Variants in EVC2 observed in about 807,000 individuals in gnomAD.
EVC2 encodes the protein limbin.
In EVC2, 148 loss-of-function variants were observed where a neutral mutation model predicts 149.3. That is an observed-to-expected ratio of 0.99 (90% CI 0.87 to 1.14). The LOEUF (loss-of-function observed/expected upper bound fraction) is 1.14, where lower values mean the gene tolerates loss of function less well. Among genes scored for constraint, EVC2 ranks in the 50% most tolerant of loss-of-function variants. EVC2 has a pLI of 0.00. For missense variants in EVC2, 1,854 were observed against 1,627.3 expected, an observed-to-expected ratio of 1.14 and a Z score of -2.40; for synonymous variants, 776 against 649.9, an observed-to-expected ratio of 1.19 and a Z score of -2.95.
chr4:5,685,476 C>T lies in EVC2; in HGVS notation c.710G>A (p.Gly237Glu). The T allele has an allele frequency of 6.2e-7, 1 of 1,614,058 alleles. No homozygotes were observed. The highest frequency in any genetic ancestry group is 8.5e-7 in the Non-Finnish European group (1 of 1,179,964). Residue 237 changes from glycine (G) to glutamate (E), a missense_variant, in exon 6 of 22, where the codon GGA becomes GAA. By Grantham distance (98) the Gly-to-Glu change is moderately conservative (BLOSUM62 -2). Coordinates refer to ENST00000344408, the MANE Select transcript of EVC2 (RefSeq NM_147127.5). ...QAFSKKFLQV[G>E]DAFAVSYAAT... ...TGCGTAGCTGACAGCAAAGGCATCT[C>T]CCACTGCGCAGAGAAAAGCACATGT...
chr4:5,691,329 C>T lies in EVC2; in HGVS notation c.455G>A (p.Gly152Glu), dbSNP rs201286761. Residue 152 changes from glycine to glutamate, a missense_variant, in exon 4 of 22, where the codon GGG (glycine) becomes GAG (glutamate). Coordinates refer to ENST00000344408, the MANE Select transcript of EVC2 (RefSeq NM_147127.5). The stretch of plus-strand genomic sequence containing the variant: ...CCCTTGAACTTCTCTTGAAATGTCC[C>T]CATACTACAATAAAATGTAAAAGTT... The part of the protein sequence containing the change: ...RESPITHRLY[G>E]DISREVQGTS... 3 of 1,611,234 alleles carry T rather than the reference C, an allele frequency of 1.9e-6. No individual in the cohort carries two copies. The South Asian group carries it at 3.3e-5, about 18-fold the overall frequency.
chr4:5,568,726 T>A, intron 19 of EVC2, 86 bp from the exon 20 acceptor site: 12 of 1,365,760 alleles, frequency 8.8e-6, no homozygotes, highest in Non-Finnish European at 1.2e-5. Flanking sequence ...CTGAGGACAT[T>A]CTGTCCTGGA....
chr4:5,580,959 T>C (rs943443042), intron 17 of EVC2, among the ~76,000 whole-genome samples: 11 of 152,182 alleles, frequency 7.2e-5, no homozygotes, highest in Non-Finnish European at 1.6e-4. Context: ...TGTTTAAAAC[T>C]GTGTAGCACC....
At chr4:5,595,657 C>T (rs1318498864) in intron 16 of EVC2, among the ~76,000 whole-genome samples, 1 of 152,118 alleles carries the variant, frequency 6.6e-6, no homozygotes, top group Non-Finnish European at 1.5e-5. Context: ...GAAACTGCAT[C>T]AACTAACGAG....
chr4:5,652,158 T>C (rs12108626), intron 9 of EVC2, among the ~76,000 whole-genome samples: 10,266 of 152,160 alleles, frequency 0.067, 1,141 homozygotes, highest in African/African-American at 0.23. Context: ...GTGAAGTTGG[T>C]GGCAGAGGCC....
intron 13 of EVC2, 124 bp from the exon 14 acceptor site, chr4:5,623,115 G>C (rs1467756270): frequency 2.0e-5 from 19 of 947,700 alleles, no homozygotes; most frequent in Non-Finnish European, 2.9e-5. Context: ...TCTCACATTT[G>C]GAAGTTATTC....
intron 8 of EVC2, among the ~76,000 whole-genome samples, chr4:5,664,139 C>A (rs959527537): frequency 6.6e-6 from 1 of 152,190 alleles, no homozygotes; most frequent in Non-Finnish European, 1.5e-5. Context: ...GAAGCTGTTA[C>A]AACAACGCAG....
Position 5,670,545 on chromosome 4 carries a change from C to T in EVC2, c.871-4896G>A, listed in dbSNP as rs1719581445. ...TTATCAACATCATCAATATCCCCAT[C>T]ACCATCATCTTCACATTGGCCATCA... is the stretch of plus-strand genomic sequence containing the variant. On this transcript the variant is annotated intron_variant, in intron 7 of 21. Transcript: ENST00000344408. The surrounding 1 kb of genome is among the most constrained non-coding windows in gnomAD (Gnocchi z 5.2). Among the ~76,000 whole-genome samples the T allele has an allele frequency of 6.6e-6, 1 of 152,022 alleles. No homozygotes were observed. Among genetic ancestry groups the T allele is most frequent in the African/African-American group, 2.4e-5 (1 of 41,372 alleles).
At chr4:5,651,043 G>C (rs10034351) in intron 9 of EVC2, among the ~76,000 whole-genome samples, 52,826 of 152,036 alleles carry the variant, frequency 0.35, 9,957 homozygotes, top group East Asian at 0.48. Flanking sequence ...TGGGTGGATG[G>C]CTGCATGGGT....
chr4:5,681,151 TG>T (rs2151723905), intron 7 of EVC2, 108 bp downstream of exon 7: 1 of 1,262,078 alleles, frequency 7.9e-7, no homozygotes, highest in Non-Finnish European at 1.2e-6. Flanking sequence ...AACGCATAAC[TG>T]GGGGACCAAG....
At chr4:5,708,616 G>C, upstream of EVC2, 1 of 823,078 alleles carries the variant, frequency 1.2e-6, no homozygotes, top group South Asian at 2.8e-5. Flanking sequence ...AGTGCGAGCC[G>C]CCGCCGAAAG....
chr4:5,534,611 A>G, the EVC2 span, among the ~76,000 whole-genome samples: 1 of 152,194 alleles, frequency 6.6e-6, no homozygotes, highest in Non-Finnish European at 1.5e-5. Flanking sequence ...CTGCTAATGT[A>G]TCAAATTAAC....
chr4:5,696,789 T>G lies in EVC2; in HGVS notation c.283+804A>C, dbSNP rs552625117. ...TTCCTCTTGATGAAATGAGTGTCAG[T>G]TGAATTTCGACCACTGAGTGTGGCA... On this transcript the variant is annotated intron_variant, in intron 2 of 21. Coordinates refer to ENST00000344408, the MANE Select transcript of EVC2 (RefSeq NM_147127.5). The surrounding 1 kb of genome is among the most constrained non-coding windows in gnomAD (Gnocchi z 4.1). Among the ~76,000 whole-genome samples, 2 of 152,208 alleles carry G rather than the reference T, an allele frequency of 1.3e-5. No homozygotes were observed. The highest frequency in any genetic ancestry group is 2.9e-5 in the Non-Finnish European group (2 of 68,030).
At chr4:5,654,903 G>A (rs1718408048) in intron 9 of EVC2, among the ~76,000 whole-genome samples, 1 of 152,178 alleles carries the variant, frequency 6.6e-6, no homozygotes, top group Admixed American at 6.5e-5. Flanking sequence ...GCTGTACCCT[G>A]CACCATGCTT....
Position 5,609,366 on chromosome 4 carries a change from A to AC in EVC2, c.2829+6055dup, listed in dbSNP as rs1714644959. 3.3e-5 allele frequency among the ~76,000 whole-genome samples: 5 copies of AC among 152,192 alleles called. No homozygotes were observed. In the South Asian group the frequency reaches 1.0e-3, roughly 32 times the overall value. On this transcript the variant is annotated intron_variant, in intron 16 of 21. Coordinates refer to ENST00000344408, the MANE Select transcript of EVC2 (RefSeq NM_147127.5). ...ATCCTGCAAATAAAACATCTGAACA[A>AC]CCGCCATGCAAGTGCTAAGAGATGT...
intron 5 of EVC2, among the ~76,000 whole-genome samples, chr4:5,687,481 T>C (rs1039542991): frequency 2.0e-5 from 3 of 151,878 alleles, no homozygotes; most frequent in African/African-American, 7.2e-5. Context: ...AGTCCATGAA[T>C]TCACGTGTGG....
chr4:5,672,821 G>A (rs1446775039), intron 7 of EVC2, among the ~76,000 whole-genome samples: 2 of 152,168 alleles, frequency 1.3e-5, no homozygotes, highest in Non-Finnish European at 2.9e-5. Flanking sequence ...CCACAAAAAG[G>A]AATGAAGTTC....
intron 5 of EVC2, among the ~76,000 whole-genome samples, chr4:5,687,717 G>A (rs1300331049): frequency 1.3e-5 from 2 of 152,172 alleles, no homozygotes; most frequent in Non-Finnish European, 2.9e-5. Context: ...TAGATGCTAG[G>A]AGATAGGAGA....
At chr4:5,582,308 G>A (rs547424111) in intron 17 of EVC2, among the ~76,000 whole-genome samples, 8 of 152,368 alleles carry the variant, frequency 5.3e-5, no homozygotes, top group African/African-American at 1.9e-4. Context: ...GGGCTGAGCT[G>A]CCCAAGGCTT....
Sources: allele counts gnomAD v4.1 joint callset (sites outside exome capture counted in the v4.1 genomes callset), GRCh38; gene constraint gnomAD v4.1.1; non-coding constraint Gnocchi (gnomAD v3.1); transcripts MANE v1.5; gene names NCBI Gene and HGNC (gene_info 2026-07-23, HGNC 2026-07-21).